Variants in GATM observed in about 807,000 individuals in gnomAD.
GATM encodes glycine amidinotransferase, also known as glycine amidinotransferase, mitochondrial.
In GATM, 23 loss-of-function variants were observed where a neutral mutation model predicts 54.2. That is an observed-to-expected ratio of 0.42 (90% CI 0.31 to 0.60). GATM has a LOEUF of 0.60. Among genes scored for constraint, GATM ranks in the 20% least tolerant of loss-of-function variants. GATM has a pLI of 0.14. For synonymous variants in GATM, 168 were observed against 183.1 expected, an observed-to-expected ratio of 0.92 and a Z score of 0.67; for missense variants, 401 against 544.9, an observed-to-expected ratio of 0.74 and a Z score of 2.63.
At chr15:45,367,042 T>C (rs866722764) in intron 4 of GATM, among the ~76,000 whole-genome samples, 4 of 152,032 alleles carry the variant, frequency 2.6e-5, no homozygotes, top group Middle Eastern at 3.4e-3. Context: ...ACTATGTACT[T>C]AGAAAAAAAT....
intron 8 of GATM, among the ~76,000 whole-genome samples, chr15:45,362,487 A>C (rs1889380827): frequency 6.6e-6 from 1 of 152,230 alleles, no homozygotes; most frequent in Non-Finnish European, 1.5e-5. Flanking sequence ...TGTACCTACC[A>C]AATGTTCAAA....
Position 45,368,279 on chromosome 15 carries a change from C to G in GATM, c.485-19G>C. On this transcript the variant is annotated intron_variant, in intron 3 of 8. Coordinates refer to ENST00000396659, the MANE Select transcript of GATM (RefSeq NM_001482.3). The surrounding 1 kb of genome is among the most constrained non-coding windows in gnomAD (Gnocchi z 5.1). The stretch of plus-strand genomic sequence containing the variant: ...TATAAACCTGTCAGACCAAAAAATT[C>G]CATGACAACTTCAGTAGTGTTAATT... 1.2e-6 allele frequency: 2 copies of G among 1,610,082 alleles called. No homozygotes were observed. Among genetic ancestry groups the G allele is most frequent in the Non-Finnish European group, 1.7e-6 (2 of 1,177,370 alleles).
upstream of GATM, chr15:45,378,689 C>T (rs1010213805): frequency 1.0e-5 from 4 of 393,076 alleles, no homozygotes; most frequent in African/African-American, 8.5e-5. Context: ...CGGCCGCTGG[C>T]TCGAGCCTCC....
chr15:45,363,624 T>A, intron 8 of GATM: 1 of 531,040 alleles, frequency 1.9e-6, no homozygotes, highest in African/African-American at 1.9e-5. Flanking sequence ...GGTGGTTTTC[T>A]GCACATGGGC....
chr15:45,369,593 A>G (rs1484315207), intron 2 of GATM, 72 bp from the exon 3 acceptor site: 1 of 1,317,780 alleles, frequency 7.6e-7, no homozygotes, highest in East Asian at 2.4e-5. Context: ...CATAGGCAGT[A>G]AACAGCTCTT....
chr15:45,366,711 A>T (rs555372919), intron 4 of GATM, among the ~76,000 whole-genome samples: 2 of 152,366 alleles, frequency 1.3e-5, no homozygotes, highest in African/African-American at 4.8e-5. Flanking sequence ...GCATTATAGT[A>T]ATTTCCTGAT....
chr15:45,389,065 T>C (rs1049822474), intron 3 of GATM, among the ~76,000 whole-genome samples: 1 of 152,232 alleles, frequency 6.6e-6, no homozygotes, highest in Non-Finnish European at 1.5e-5. Flanking sequence ...AGTTGGAATA[T>C]GAGTTTAAAA....
rs758861947 is a variant in GATM at position 45,363,935 on chromosome 15, T to A, written c.1124A>T (p.Asn375Ile). The A allele has an allele frequency of 6.2e-7, 1 of 1,613,276 alleles. No individual in the cohort carries two copies. Among genetic ancestry groups the A allele is most frequent in the Non-Finnish European group, 8.5e-7 (1 of 1,179,436 alleles). Residue 375 changes from asparagine to isoleucine, a missense_variant, in exon 8 of 9, where the codon AAT becomes ATT. Transcript: ENST00000396659. ...LDEKRVMVDANEVPIQKMFEK... is the reference protein window; with the variant it reads ...LDEKRVMVDAIEVPIQKMFEK... Reference sequence around the variant, plus strand: ...AAACATCTTTTGAATTGGAACTTCATTGGCATCCACCATAACACGTTTTTC... The same window carrying A: ...AAACATCTTTTGAATTGGAACTTCAATGGCATCCACCATAACACGTTTTTC...
In GATM at chr15:45,376,782, A is replaced by C; in HGVS notation, c.107T>G (p.Phe36Cys). ...RTLTGWVQRT[F>C]QSTQAATASS... is the part of the protein sequence containing the mutation. ...AGCCGTAGCTGCCTGGGTGCTCTGG[A>C]AAGTTCGCTGCACCCATCCTGTCAA... Residue 36 changes from phenylalanine (F) to cysteine (C), a missense_variant, in exon 2 of 9, where the codon TTC (phenylalanine) becomes TGC (cysteine). Physicochemically the swap from Phe to Cys is radical, Grantham distance 205 (BLOSUM62 -2). Around this residue, in one of 3 missense-constraint regions of GATM, gnomAD observed 70 missense variants for 61.5 expected, o/e 1.14. Transcript: ENST00000396659. The C allele has an allele frequency of 6.2e-7, 1 of 1,614,128 alleles. No individual in the cohort carries two copies. The highest frequency in any genetic ancestry group is 1.1e-5 in the South Asian group (1 of 91,080).
chr15:45,382,546 C>A (rs868799360), upstream of GATM, among the ~76,000 whole-genome samples: 1 of 152,004 alleles, frequency 6.6e-6, no homozygotes, highest in African/African-American at 2.4e-5. Context: ...CCTGTAATCC[C>A]AGCTACTCGG....
chr15:45,387,188 G>A (rs769376960), intron 3 of GATM, among the ~76,000 whole-genome samples: 5 of 152,178 alleles, frequency 3.3e-5, no homozygotes, highest in African/African-American at 4.8e-5. Flanking sequence ...TGTTGTTCAT[G>A]TGACAGCAAT....
At chr15:45,378,582 G>A, upstream of GATM, 1 of 644,942 alleles carries the variant, frequency 1.6e-6, no homozygotes, top group Non-Finnish European at 2.4e-6. Context: ...TTGTAGCCGC[G>A]CTCCGCCCCG....
chr15:45,395,044 G>A (rs932181723), intron 3 of GATM, among the ~76,000 whole-genome samples: 2 of 152,138 alleles, frequency 1.3e-5, no homozygotes, highest in East Asian at 3.9e-4. Flanking sequence ...TGTCTCCTCT[G>A]TCTGATTTTA....
At chr15:45,399,213 G>A (rs960191100) in intron 2 of GATM, among the ~76,000 whole-genome samples, 1 of 152,094 alleles carries the variant, frequency 6.6e-6, no homozygotes, top group African/African-American at 2.4e-5. Context: ...TTGGATTTAG[G>A]AACAGTCTCA....
chr15:45,378,341 G>C (rs1425866172), intron 1 of GATM, 44 bp downstream of exon 1: 2 of 1,452,848 alleles, frequency 1.4e-6, no homozygotes, highest in African/African-American at 1.5e-5. Flanking sequence ...CCGCAGGATC[G>C]AGTGAGTCAC....
chr15:45,401,537 C>A (rs540173299), intron 1 of GATM, among the ~76,000 whole-genome samples: 2 of 149,752 alleles, frequency 1.3e-5, no homozygotes, highest in Non-Finnish European at 2.9e-5. Context: ...AAAAGGAATT[C>A]CCTGTGCGAA....
chr15:45,388,446 T>A (rs1490036109), intron 3 of GATM, among the ~76,000 whole-genome samples: 2 of 152,206 alleles, frequency 1.3e-5, no homozygotes, highest in Non-Finnish European at 2.9e-5. Context: ...TTTACTTGGA[T>A]CTTACCAGTT....
chr15:45,389,735 A>C (rs112311965), intron 3 of GATM, among the ~76,000 whole-genome samples: 62 of 152,364 alleles, frequency 4.1e-4, no homozygotes, highest in Middle Eastern at 3.4e-3. Flanking sequence ...TAGACTAGAA[A>C]GAAGCAATAG....
At chr15:45,399,375 C>T (rs1004159788) in intron 2 of GATM, among the ~76,000 whole-genome samples, 1 of 152,070 alleles carries the variant, frequency 6.6e-6, no homozygotes, top group African/African-American at 2.4e-5. Context: ...AAATTTTAAC[C>T]CTTGAGATGA....
Sources: gnomAD v4.1 joint callset for allele counts (sites outside exome capture counted in the v4.1 genomes callset) on GRCh38, gnomAD v4.1.1 for gene constraint, gnomAD v4.1.1 regional missense constraint, Gnocchi (gnomAD v3.1) non-coding constraint, MANE v1.5 for transcripts, NCBI Gene and HGNC (gene_info 2026-07-23, HGNC 2026-07-21) for gene names.